SND1: variants seen among roughly 807,000 people sequenced by gnomAD.
SND1 encodes the protein staphylococcal nuclease and tudor domain containing 1.
A neutral mutation model predicts 121.7 loss-of-function variants in SND1; 38 were observed. The ratio of observed to expected loss-of-function variants is 0.31; its 90% CI spans 0.24 to 0.41. The LOEUF (loss-of-function observed/expected upper bound fraction) is 0.41. Among genes scored for constraint, SND1 ranks in the 10% least tolerant of loss-of-function variants. The probability of loss-of-function intolerance (pLI) is 1.00; values close to 1 mark genes in which losing one functional copy is unlikely to be tolerated. For missense variants in SND1, 868 were observed against 1,184.6 expected (o/e 0.73, Z 3.92); for synonymous variants, 401 against 447.4 (o/e 0.90, Z 1.31).
chr7:127,721,149 C>T, intron 9 of SND1, 138 bp from the exon 10 acceptor site: 1 of 519,190 alleles, frequency 1.9e-6, no homozygotes, highest in East Asian at 3.5e-5. Flanking sequence ...GACATTGTTG[C>T]ACCATGAAGG....
At chr7:127,758,301 AT>A (rs1324557595) in intron 10 of SND1, among the ~76,000 whole-genome samples, 1 of 152,204 alleles carries the variant, frequency 6.6e-6, no homozygotes, top group African/African-American at 2.4e-5. Context: ...CAGACATGGT[AT>A]TGTTGATCTT....
At chr7:127,857,704 C>A in intron 12 of SND1, 1 of 583,898 alleles carries the variant, frequency 1.7e-6, no homozygotes. Context: ...TCAGCACAGC[C>A]AAGGCCCCAC....
intron 16 of SND1, among the ~76,000 whole-genome samples, chr7:128,063,779 G>A (rs761263928): frequency 3.9e-5 from 6 of 152,260 alleles, no homozygotes; most frequent in Non-Finnish European, 8.8e-5. Flanking sequence ...AGTTGGGTAG[G>A]AGTTTACAGG....
chr7:127,785,166 C>T (rs1003421236), intron 10 of SND1, among the ~76,000 whole-genome samples: 1 of 152,162 alleles, frequency 6.6e-6, no homozygotes, highest in Non-Finnish European at 1.5e-5. Context: ...ACCTTGGCCT[C>T]CCACAGTGCT....
intron 16 of SND1, among the ~76,000 whole-genome samples, chr7:127,994,212 A>G (rs1387467158): frequency 1.3e-5 from 2 of 152,150 alleles, no homozygotes; most frequent in Non-Finnish European, 2.9e-5. Flanking sequence ...AATTTGTTTT[A>G]CACTGACGCT....
intron 2 of SND1, among the ~76,000 whole-genome samples, chr7:127,693,537 A>T (rs73234882): frequency 0.33 from 49,927 of 151,964 alleles, 9,088 homozygotes; most frequent in Admixed American, 0.42. Context: ...TAGAAGTCAT[A>T]TGGATATTTT....
intron 10 of SND1, among the ~76,000 whole-genome samples, chr7:127,755,798 A>G (rs1375023703): frequency 1.3e-5 from 2 of 152,232 alleles, no homozygotes; most frequent in Non-Finnish European, 2.9e-5. Flanking sequence ...AGTTTGTACA[A>G]CGTGTAACAC....
intron 22 of SND1, 40 bp from the exon 23 acceptor site, chr7:128,091,797 G>A (rs562167608): frequency 1.2e-6 from 2 of 1,610,138 alleles, no homozygotes; most frequent in East Asian, 2.2e-5. Flanking sequence ...ATCATTTGAG[G>A]GCAACTCTGA....
rs190671947 is a variant in SND1, at chr7:127,816,464, T to G, written c.1242+8891T>G. Among the ~76,000 whole-genome samples the G allele has an allele frequency of 4.6e-5, 7 of 152,280 alleles. No homozygotes were observed. The East Asian group carries it at 1.2e-3, about 25-fold the overall frequency. On this transcript the variant is annotated intron_variant, in intron 11 of 23. Coordinates refer to ENST00000354725, the MANE Select transcript of SND1 (RefSeq NM_014390.4). ...AAGATATTTTTTCTGCAGCTTTGCCTTCTCACCTCTTCTGGCTTCAACAAG... is the reference window on the plus strand; with the variant it reads ...AAGATATTTTTTCTGCAGCTTTGCCGTCTCACCTCTTCTGGCTTCAACAAG...
intron 16 of SND1, among the ~76,000 whole-genome samples, chr7:128,050,971 T>A (rs566667411): frequency 8.5e-5 from 13 of 152,314 alleles, no homozygotes; most frequent in East Asian, 3.9e-4. Context: ...AATCCACCGC[T>A]GGGCCCATGC....
intron 12 of SND1, among the ~76,000 whole-genome samples, chr7:127,853,397 G>C (rs1238350873): frequency 6.6e-6 from 1 of 152,174 alleles, no homozygotes; most frequent in African/African-American, 2.4e-5. Context: ...TTCCTTTAGT[G>C]TAAGTGTGAC....
At chr7:127,871,003 T>C (rs925015512) in intron 12 of SND1, among the ~76,000 whole-genome samples, 3 of 152,192 alleles carry the variant, frequency 2.0e-5, no homozygotes, top group African/African-American at 7.2e-5. Flanking sequence ...TTATTTATTT[T>C]ACTTTTTAAA....
chr7:127,761,114 C>T (rs1797297963), intron 10 of SND1, among the ~76,000 whole-genome samples: 1 of 152,184 alleles, frequency 6.6e-6, no homozygotes, highest in African/African-American at 2.4e-5. Flanking sequence ...CCACCTACCT[C>T]TATCATCTTG....
intron 10 of SND1, among the ~76,000 whole-genome samples, chr7:127,773,993 A>G (rs547841190): frequency 6.6e-6 from 1 of 152,326 alleles, no homozygotes; most frequent in Non-Finnish European, 1.5e-5. Context: ...CAGTCGTATA[A>G]TAATAATAAA....
chr7:128,039,868 A>G (rs1387350695), intron 16 of SND1, among the ~76,000 whole-genome samples: 1 of 152,210 alleles, frequency 6.6e-6, no homozygotes. Context: ...CACCACTAGC[A>G]GCAGTAAAGG....
chr7:127,816,415 C>T (rs921139117), intron 11 of SND1, among the ~76,000 whole-genome samples: 24 of 152,206 alleles, frequency 1.6e-4, no homozygotes, highest in African/African-American at 5.8e-4. Flanking sequence ...CCCAGGTGTT[C>T]TCCTTAACCT....
intron 14 of SND1, among the ~76,000 whole-genome samples, chr7:127,912,091 A>C (rs1800470580): frequency 6.6e-6 from 1 of 152,170 alleles, no homozygotes; most frequent in Non-Finnish European, 1.5e-5. Flanking sequence ...TGGGACTTAC[A>C]GGCATAAGCC....
intron 16 of SND1, among the ~76,000 whole-genome samples, chr7:128,032,440 T>C (rs1029272157): frequency 6.6e-6 from 1 of 151,560 alleles, no homozygotes; most frequent in Non-Finnish European, 1.5e-5. Context: ...TCGCAGGCGT[T>C]CGCAGCTATT....
chr7:127,769,105 A>G (rs1403600834), intron 10 of SND1, among the ~76,000 whole-genome samples: 1 of 152,210 alleles, frequency 6.6e-6, no homozygotes, highest in Non-Finnish European at 1.5e-5. Context: ...ATGCTGCCAT[A>G]TGGTTTGTGT....
Sources: allele counts gnomAD v4.1 joint callset (sites outside exome capture counted in the v4.1 genomes callset), GRCh38; gene constraint gnomAD v4.1.1; transcripts MANE v1.5; gene names NCBI Gene and HGNC (gene_info 2026-07-23, HGNC 2026-07-21).